The following AGBL1 variants were observed in gnomAD, a reference collection of about 807,000 sequenced individuals.
AGBL1 encodes the protein cytosolic carboxypeptidase 4.
AGBL1 carries 130 observed loss-of-function variants against 118.9 expected under a neutral mutation model. The ratio of observed to expected loss-of-function variants is 1.09; its 90% confidence interval spans 0.95 to 1.26. The LOEUF (loss-of-function observed/expected upper bound fraction) is 1.26, where lower values mean the gene tolerates loss of function less well. Among genes scored for constraint, AGBL1 ranks in the 50% most tolerant of loss-of-function variants. The pLI is 0.00. For missense variants in AGBL1, 1,584 were observed against 1,298.1 expected (o/e 1.22, Z -3.38); for synonymous variants, 555 against 478.9 (o/e 1.16, Z -2.08).
intron 18 of AGBL1, among the ~76,000 whole-genome samples, chr15:86,502,458 C>T (rs950657658): frequency 6.6e-6 from 1 of 151,336 alleles, no homozygotes; most frequent in African/African-American, 2.4e-5. Context: ...GGCTAGGATC[C>T]ACAATACAAT....
chr15:86,929,048 G>C (rs781529488), intron 23 of AGBL1, among the ~76,000 whole-genome samples: 1 of 152,038 alleles, frequency 6.6e-6, no homozygotes, highest in Non-Finnish European at 1.5e-5. Context: ...CTGAGACAGA[G>C]TCTTGGTTCT....
chr15:87,030,384 T>C (rs1313785808), downstream of AGBL1, among the ~76,000 whole-genome samples: 1 of 152,048 alleles, frequency 6.6e-6, no homozygotes, highest in East Asian at 1.9e-4. Flanking sequence ...TTTTTATTTC[T>C]ACTGGGGCAG....
chr15:86,995,891 C>G (rs1464682479), intron 24 of AGBL1, among the ~76,000 whole-genome samples: 1 of 152,128 alleles, frequency 6.6e-6, no homozygotes, highest in Non-Finnish European at 1.5e-5. Flanking sequence ...TTTTCTCCAG[C>G]CTCCGGGTTC....
chr15:86,188,238 C>T (rs1376649734), intron 5 of AGBL1, among the ~76,000 whole-genome samples: 2 of 152,104 alleles, frequency 1.3e-5, no homozygotes, highest in Non-Finnish European at 2.9e-5. Flanking sequence ...TGTTGGCCCC[C>T]CACACTATGG....
intron 23 of AGBL1, among the ~76,000 whole-genome samples, chr15:86,986,946 G>T (rs866073838): frequency 6.6e-6 from 1 of 151,950 alleles, no homozygotes; most frequent in African/African-American, 2.4e-5. Flanking sequence ...GATTTAGGTA[G>T]GTAAAGGAAA....
At chr15:86,290,729 G>T (rs986836338) in intron 16 of AGBL1, among the ~76,000 whole-genome samples, 2 of 151,256 alleles carry the variant, frequency 1.3e-5, no homozygotes, top group Non-Finnish European at 2.9e-5. Flanking sequence ...TAGGGTACAC[G>T]TGCACAGTGT....
chr15:86,149,963 A>G (rs1247982699), intron 3 of AGBL1, among the ~76,000 whole-genome samples: 2 of 152,244 alleles, frequency 1.3e-5, no homozygotes, highest in Non-Finnish European at 2.9e-5. Flanking sequence ...AGAACTCAGG[A>G]TTAAGAAACT....
chr15:86,254,265 C>T (rs1011293707), intron 7 of AGBL1, among the ~76,000 whole-genome samples: 1 of 152,222 alleles, frequency 6.6e-6, no homozygotes, highest in Non-Finnish European at 1.5e-5. Flanking sequence ...CGGCACTTGC[C>T]TACTTTAATG....
intron 22 of AGBL1, among the ~76,000 whole-genome samples, chr15:86,739,890 A>C (rs182721976): frequency 6.6e-6 from 1 of 152,174 alleles, no homozygotes. Context: ...GGCCTAATGA[A>C]TCACTGAGCC....
chr15:86,518,161 C>T (rs1248860354), intron 18 of AGBL1, among the ~76,000 whole-genome samples: 7 of 151,970 alleles, frequency 4.6e-5, no homozygotes, highest in Non-Finnish European at 8.8e-5. Flanking sequence ...GACGGCAGCC[C>T]TATAGATTCA....
chr15:87,001,500 T>C (rs1471798431), intron 24 of AGBL1, among the ~76,000 whole-genome samples: 2 of 152,028 alleles, frequency 1.3e-5, no homozygotes, highest in Non-Finnish European at 2.9e-5. Context: ...TAACCAGTAA[T>C]GGGATGGCTG....
At chr15:86,579,030 G>A (rs2084137426) in intron 21 of AGBL1, among the ~76,000 whole-genome samples, 1 of 152,102 alleles carries the variant, frequency 6.6e-6, no homozygotes, top group African/African-American at 2.4e-5. Context: ...GTTATACCCA[G>A]CCTAGGGTAT....
At position 86,313,508 on chromosome 15, in the gene AGBL1, C is replaced by T. The variant is rs368510668; in HGVS notation, c.2374+18100C>T. On this transcript the variant is annotated intron_variant, in intron 17 of 22. Transcript: ENST00000614907. ...TTCTAATTCACAAGGAAAAGGAAAG[C>T]GAAATAGAAACTGTCTTCCTTTGAA... 3.7e-4 allele frequency among the ~76,000 whole-genome samples: 56 copies of T among 152,258 alleles called. No individual in the cohort carries two copies. The South Asian group carries it at 8.1e-3, about 22-fold the overall frequency.
intron 18 of AGBL1, among the ~76,000 whole-genome samples, chr15:86,466,030 C>A (rs1463896326): frequency 6.6e-6 from 1 of 152,128 alleles, no homozygotes; most frequent in Non-Finnish European, 1.5e-5. Context: ...CCCTGGAGAC[C>A]CAGCTGTAAA....
chr15:86,650,285 A>C (rs2085348593), intron 21 of AGBL1, among the ~76,000 whole-genome samples: 2 of 152,182 alleles, frequency 1.3e-5, no homozygotes, highest in African/African-American at 4.8e-5. Flanking sequence ...CCATGTGACC[A>C]TCTTTGGCCA....
At chr15:86,569,290 C>A (rs754462302) in intron 21 of AGBL1, among the ~76,000 whole-genome samples, 14 of 151,808 alleles carry the variant, frequency 9.2e-5, no homozygotes, top group Non-Finnish European at 1.9e-4. Flanking sequence ...AATCAGCCGA[C>A]CATGGTGGCA....
chr15:86,600,094 C>T (rs187365957), intron 21 of AGBL1, among the ~76,000 whole-genome samples: 124 of 152,186 alleles, frequency 8.1e-4, no homozygotes, highest in African/African-American at 2.9e-3. Context: ...TTGCTTCTTT[C>T]CAGTTATTAC....
At chr15:86,877,254 A>C (rs764402203) in intron 22 of AGBL1, among the ~76,000 whole-genome samples, 12 of 152,104 alleles carry the variant, frequency 7.9e-5, no homozygotes, top group Admixed American at 1.3e-4. Flanking sequence ...TTACTAAGAA[A>C]ACCTGAGTCA....
chr15:86,783,527 T>A (rs1384103842), intron 22 of AGBL1, among the ~76,000 whole-genome samples: 1 of 152,234 alleles, frequency 6.6e-6, no homozygotes, highest in Admixed American at 6.5e-5. Context: ...AGTGGTCCTG[T>A]CTCCAAGGTG....
Sources: allele counts gnomAD v4.1 joint callset (sites outside exome capture counted in the v4.1 genomes callset), GRCh38; gene constraint gnomAD v4.1.1; transcripts MANE v1.5; gene names NCBI Gene and HGNC (gene_info 2026-07-23, HGNC 2026-07-21).